The following PHACTR2 variants were observed in gnomAD, a reference collection of about 807,000 sequenced individuals.
PHACTR2 encodes the protein phosphatase and actin regulator 2.
PHACTR2 carries 30 observed loss-of-function variants against 76.0 expected under a neutral mutation model. That is an observed-to-expected ratio of 0.39 (90% CI 0.30 to 0.54). The LOEUF (loss-of-function observed/expected upper bound fraction) is 0.54, where lower values mean the gene tolerates loss of function less well. PHACTR2 is among the 20% of genes least tolerant of loss of function. The pLI is 0.61. For synonymous variants in PHACTR2, 292 were observed against 292.5 expected, an observed-to-expected ratio of 1.00 and a Z score of 0.02; for missense variants, 696 against 781.1, an observed-to-expected ratio of 0.89 and a Z score of 1.30.
intron 11 of PHACTR2, among the ~76,000 whole-genome samples, chr6:143,792,899 G>A (rs190754106): frequency 1.1e-4 from 17 of 152,242 alleles, no homozygotes; most frequent in East Asian, 5.8e-4. Context: ...CTTCCACTAC[G>A]TTCTATTAGT....
chr6:143,783,304 G>A lies in PHACTR2; in HGVS notation c.1707+24G>A. The A allele has an allele frequency of 1.4e-6, 2 of 1,439,372 alleles. No individual in the cohort carries two copies. Among genetic ancestry groups the A allele is most frequent in the South Asian group, 1.2e-5 (1 of 86,442 alleles). The allele number at this position is 1,439,372 out of a possible 1,614,324, so 89.2% of individuals were successfully genotyped here. A position where few individuals can be genotyped will look rare whatever the true frequency, so the allele number is the denominator to read the frequency against. Reference sequence around the variant, plus strand: ...AGGTAATGAAATCATAACTATTAATGAGCATATGTGTTTTGAGATATACTT... The same window carrying A: ...AGGTAATGAAATCATAACTATTAATAAGCATATGTGTTTTGAGATATACTT... On this transcript the variant is annotated intron_variant, in intron 10 of 12. Transcript: ENST00000440869. The surrounding 1 kb of genome is among the most constrained non-coding windows in gnomAD (Gnocchi z 5.2).
At chr6:143,576,290 A>G (rs1775507618) in intron 1 of PHACTR2, among the ~76,000 whole-genome samples, 1 of 152,208 alleles carries the variant, frequency 6.6e-6, no homozygotes, top group South Asian at 2.1e-4. Context: ...ATAGCTTTGG[A>G]AGGTCTCTCT....
At chr6:143,763,330 G>A (rs1779481352) in intron 5 of PHACTR2, among the ~76,000 whole-genome samples, 1 of 152,018 alleles carries the variant, frequency 6.6e-6, no homozygotes, top group Admixed American at 6.6e-5. Flanking sequence ...CTGCACTCCA[G>A]TCTGGGTGAC....
In PHACTR2 at chr6:143,825,852, A is replaced by G. The variant is rs1776520074; in HGVS notation, c.*2163A>G. ...AGTTTCTATTTGGTTGATAAAAGGA[A>G]CAATTTTTTCCCACTTTTGATGCCT... On this transcript the variant is annotated 3_prime_UTR_variant, in exon 13 of 13. Coordinates refer to ENST00000440869, the MANE Select transcript of PHACTR2 (RefSeq NM_001100164.2). The surrounding 1 kb of genome is among the most constrained non-coding windows in gnomAD (Gnocchi z 4.1). 1 of 152,156 alleles carries G rather than the reference A, an allele frequency of 6.6e-6. No homozygotes were observed. Among genetic ancestry groups the G allele is most frequent in the Admixed American group, 6.5e-5 (1 of 15,274 alleles). 9.4% of individuals were successfully genotyped at this position (152,156 alleles called of 1,614,324 possible).
intron 1 of PHACTR2, chr6:143,711,748 C>CA (rs1264954226): frequency 1.6e-6 from 1 of 642,018 alleles, no homozygotes; most frequent in African/African-American, 1.8e-5. Context: ...GTTGCACAGA[C>CA]ACTCATTTGT....
Position 143,585,102 on chromosome 6 carries a change from C to T in PHACTR2, c.217+47895C>T, listed in dbSNP as rs898751782. Among the ~76,000 whole-genome samples the T allele has an allele frequency of 5.3e-5, 8 of 151,960 alleles. No individual in the cohort carries two copies. The highest frequency in any genetic ancestry group is 5.2e-4 in the Admixed American group (8 of 15,246). ...CAGCAATTATGGAGTTGTTGACGGG[C>T]AGGACCAAGGCCTGGCAGTAGACCC... On this transcript the variant is annotated intron_variant, in intron 1 of 11. Transcript: ENST00000367584. This position sits in a 1 kb window ranked among gnomAD's most constrained non-coding sequence, Gnocchi z 5.2.
At position 143,818,968 on chromosome 6, in the gene PHACTR2, G is replaced by A. The variant is rs1023500628; in HGVS notation, c.1923-4706G>A. 4.6e-5 allele frequency among the ~76,000 whole-genome samples: 7 copies of A among 152,194 alleles called. No homozygotes were observed. Among genetic ancestry groups the A allele is most frequent in the African/African-American group, 1.4e-4 (6 of 41,434 alleles). ...GAACTTCCATATTTTGCTTCAGGTTGTGGTTGACTCTTCCTAGAAAACATT... is the reference window on the plus strand; with the variant it reads ...GAACTTCCATATTTTGCTTCAGGTTATGGTTGACTCTTCCTAGAAAACATT... On this transcript the variant is annotated intron_variant, in intron 12 of 12. Transcript: ENST00000440869. The surrounding 1 kb of genome is among the most constrained non-coding windows in gnomAD (Gnocchi z 4.9).
At chr6:143,593,023 G>T (rs943927509) in intron 1 of PHACTR2, among the ~76,000 whole-genome samples, 8 of 145,138 alleles carry the variant, frequency 5.5e-5, no homozygotes, top group Non-Finnish European at 1.5e-5. Context: ...CTCCGGCCTG[G>T]GTGACAGAGC....
chr6:143,578,744 TGAA>T lies in PHACTR2; in HGVS notation c.217+41543_217+41545del, dbSNP rs1726436039. 6.6e-6 allele frequency among the ~76,000 whole-genome samples: 1 copy of T among 151,488 alleles called. No individual in the cohort carries two copies. The highest frequency in any genetic ancestry group is 1.5e-5 in the Non-Finnish European group (1 of 67,882). ...ATGGAGAGGTAGATGATGAAGAAGA[TGAA>T]GAAGACCTTGGTGAAGAAGAAAGGA... On this transcript the variant is annotated intron_variant, in intron 1 of 11. Coordinates refer to the PHACTR2 transcript ENST00000367584. This position sits in a 1 kb window ranked among gnomAD's most constrained non-coding sequence, Gnocchi z 4.5.
At chr6:143,796,269 A>G (rs1253589734) in intron 11 of PHACTR2, among the ~76,000 whole-genome samples, 8 of 152,156 alleles carry the variant, frequency 5.3e-5, no homozygotes, top group Admixed American at 3.9e-4. Flanking sequence ...TCCACATCCC[A>G]TCATAATTTT....
intron 1 of PHACTR2, among the ~76,000 whole-genome samples, chr6:143,699,550 T>G (rs1777851967): frequency 6.6e-6 from 1 of 152,298 alleles, no homozygotes; most frequent in Non-Finnish European, 1.5e-5. Context: ...AACTCCAGCT[T>G]CTTGCTAGAG....
At chr6:143,667,409 T>C (rs750649165) in intron 1 of PHACTR2, among the ~76,000 whole-genome samples, 1 of 151,802 alleles carries the variant, frequency 6.6e-6, no homozygotes, top group Non-Finnish European at 1.5e-5. Context: ...TTAAAAATTC[T>C]TTGAAGTCAG....
Position 143,561,235 on chromosome 6 carries a change from T to G in PHACTR2, c.217+24028T>G, listed in dbSNP as rs1164990737. 6.6e-6 allele frequency: 1 copy of G among 152,150 alleles called. No individual in the cohort carries two copies. The highest frequency in any genetic ancestry group is 1.5e-5 in the Non-Finnish European group (1 of 68,088). The allele number at this position is 152,150 out of a possible 1,614,324, so 9.4% of individuals were successfully genotyped here. ...AAGGTTCTGCCCCTCTGAGCTCATT[T>G]CCCCTCCTCACCCTGTGATGACAGT... On this transcript the variant is annotated intron_variant, in intron 1 of 11. Coordinates refer to the PHACTR2 transcript ENST00000367584. The surrounding 1 kb of genome is among the most constrained non-coding windows in gnomAD (Gnocchi z 4.1).
rs1281408682 is a variant in PHACTR2, at chr6:143,775,606, T to C, written c.1589+1391T>C. On this transcript the variant is annotated intron_variant, in intron 8 of 12. Transcript: ENST00000440869. The surrounding 1 kb of genome is among the most constrained non-coding windows in gnomAD (Gnocchi z 4.4). ...CTGGGCTCTCTGCCCAATTTTCTTT[T>C]GTATACTGTCTCCTGTTTTGTACTT... 6.6e-6 allele frequency among the ~76,000 whole-genome samples: 1 copy of C among 152,212 alleles called. No individual in the cohort carries two copies. The highest frequency in any genetic ancestry group is 1.5e-5 in the Non-Finnish European group (1 of 68,016).
rs1775732800 is a variant in PHACTR2 at position 143,595,008 on chromosome 6, T to A, written c.217+57801T>A. Among the ~76,000 whole-genome samples, 1 of 152,236 alleles carries A rather than the reference T, an allele frequency of 6.6e-6. No individual in the cohort carries two copies. Among genetic ancestry groups the A allele is most frequent in the South Asian group, 2.1e-4 (1 of 4,830 alleles). On this transcript the variant is annotated intron_variant, in intron 1 of 11. Transcript: ENST00000367584. This position sits in a 1 kb window ranked among gnomAD's most constrained non-coding sequence, Gnocchi z 4.2. Reference sequence around the variant, plus strand: ...AAGCTCTGAAATGAAGACTGTTACATAATGATTTTATGAATAACATACAGC... The same window carrying A: ...AAGCTCTGAAATGAAGACTGTTACAAAATGATTTTATGAATAACATACAGC...
rs956591926 is a variant in PHACTR2 at position 143,784,945 on chromosome 6, G to T, written c.1707+1665G>T. Among the ~76,000 whole-genome samples, 32 of 152,276 alleles carry T rather than the reference G, an allele frequency of 2.1e-4. No homozygotes were observed. The highest frequency in any genetic ancestry group is 6.5e-4 in the African/African-American group (27 of 41,564). ...CTCCCACAACACATGGGAATTCTGG[G>T]AGATACAATTCAAGTTGAGATTTGG... On this transcript the variant is annotated intron_variant, in intron 10 of 12. Transcript: ENST00000440869. This position sits in a 1 kb window ranked among gnomAD's most constrained non-coding sequence, Gnocchi z 4.5.
Position 143,677,965 on chromosome 6 carries a change from A to C in PHACTR2, c.-199A>C. Reference sequence around the variant, plus strand: ...TAATCTGCATAGAGGAATGACAGGCATCCGCTGGGCAGGATCCGCCGCGCC... The same window carrying C: ...TAATCTGCATAGAGGAATGACAGGCCTCCGCTGGGCAGGATCCGCCGCGCC... On this transcript the variant is annotated 5_prime_UTR_variant, in exon 1 of 13. Coordinates refer to ENST00000440869, the MANE Select transcript of PHACTR2 (RefSeq NM_001100164.2). 2.4e-6 allele frequency: 3 copies of C among 1,271,240 alleles called. No homozygotes were observed. Among genetic ancestry groups the C allele is most frequent in the Non-Finnish European group, 1.0e-6 (1 of 991,916 alleles). The allele number at this position is 1,271,240 out of a possible 1,614,324, so 78.7% of individuals were successfully genotyped here. A position where few individuals can be genotyped will look rare whatever the true frequency, so the allele number is the denominator to read the frequency against.
At position 143,765,940 on chromosome 6, in the gene PHACTR2, T is replaced by C. The variant is rs1779554641; in HGVS notation, c.1232+142T>C. On this transcript the variant is annotated intron_variant, in intron 6 of 12. Transcript: ENST00000440869. The surrounding 1 kb of genome is among the most constrained non-coding windows in gnomAD (Gnocchi z 4.1). Reference sequence around the variant, plus strand: ...GTAGGCATACATGTGATCCAACCATTGCTTTGTCAGAGCCCTGCCCTGGGA... The same window carrying C: ...GTAGGCATACATGTGATCCAACCATCGCTTTGTCAGAGCCCTGCCCTGGGA... The C allele has an allele frequency of 1.4e-6, 1 of 723,118 alleles. No homozygotes were observed. The highest frequency in any genetic ancestry group is 2.9e-5 in the Admixed American group (1 of 34,344). The allele number at this position is 723,118 out of a possible 1,614,324, so 44.8% of individuals were successfully genotyped here.
chr6:143,708,433 A>G lies in PHACTR2; in HGVS notation c.47-3583A>G, dbSNP rs75987878. On this transcript the variant is annotated intron_variant, in intron 1 of 12. Transcript: ENST00000440869. The surrounding 1 kb of genome is among the most constrained non-coding windows in gnomAD (Gnocchi z 5.5). ...TGATGAATGACAAGTTACTCTTAGTAACATAAAAATGGATCAAAATTAATG... is the reference window on the plus strand; with the variant it reads ...TGATGAATGACAAGTTACTCTTAGTGACATAAAAATGGATCAAAATTAATG... Among the ~76,000 whole-genome samples the G allele has an allele frequency of 9.2e-3, 1,405 of 152,354 alleles. 9 individuals are homozygous for G. Among genetic ancestry groups the G allele is most frequent in the Non-Finnish European group, 0.015 (1,054 of 68,026 alleles).
Sources: allele counts gnomAD v4.1 joint callset (sites outside exome capture counted in the v4.1 genomes callset), GRCh38; gene constraint gnomAD v4.1.1; non-coding constraint Gnocchi (gnomAD v3.1); transcripts MANE v1.5; gene names NCBI Gene and HGNC (gene_info 2026-07-23, HGNC 2026-07-21).